HMGA2: variants seen among roughly 807,000 people sequenced by gnomAD.
HMGA2 encodes high mobility group protein HMGI-C.
Under a neutral mutation model 19.1 loss-of-function variants are expected in HMGA2, and 8 were observed. The ratio of observed to expected loss-of-function variants is 0.42; its 90% confidence interval spans 0.25 to 0.76. The LOEUF is 0.76. Ranked by LOEUF, HMGA2 falls within the 30% of genes least tolerant of loss-of-function variation. The pLI, the probability that HMGA2 is intolerant of heterozygous loss-of-function variation, is 0.28. For missense variants in HMGA2, 109 were observed against 136.3 expected (o/e 0.80, Z 1.00); for synonymous variants, 60 against 48.8 (o/e 1.23, Z -0.96).
chr12:65,884,626 G>C (rs945384588), intron 3 of HMGA2, among the ~76,000 whole-genome samples: 9 of 152,090 alleles, frequency 5.9e-5, no homozygotes, highest in Admixed American at 2.0e-4. Context: ...AGTCCAAATA[G>C]CATTATTTAC....
intron 3 of HMGA2, among the ~76,000 whole-genome samples, chr12:65,900,772 G>T (rs1211573228): frequency 6.6e-6 from 1 of 152,244 alleles, no homozygotes; most frequent in African/African-American, 2.4e-5. Flanking sequence ...ACCCAAACAG[G>T]CCATTGTTTT....
chr12:65,871,784 G>A (rs543070855), intron 3 of HMGA2, among the ~76,000 whole-genome samples: 3 of 152,266 alleles, frequency 2.0e-5, no homozygotes, highest in South Asian at 4.1e-4. Context: ...ATCACTTCCA[G>A]TTTGACTTCT....
chr12:65,949,068 A>C (rs1288509898), intron 3 of HMGA2, among the ~76,000 whole-genome samples: 3 of 152,160 alleles, frequency 2.0e-5, no homozygotes, highest in Non-Finnish European at 4.4e-5. Flanking sequence ...CCCTTTGGAA[A>C]TGAATCCTCT....
At chr12:65,834,686 C>T (rs1315093950) in intron 2 of HMGA2, among the ~76,000 whole-genome samples, 4 of 151,752 alleles carry the variant, frequency 2.6e-5, no homozygotes, top group African/African-American at 7.3e-5. Context: ...CTCCTGTACA[C>T]GAGGCACTAG....
chr12:65,870,029 A>C (rs569223665), intron 3 of HMGA2, among the ~76,000 whole-genome samples: 3 of 152,294 alleles, frequency 2.0e-5, no homozygotes, highest in Admixed American at 2.0e-4. Context: ...AAAAAAAAAA[A>C]AGTAGTGCAC....
At chr12:65,866,293 TA>T (rs1400584356) in intron 3 of HMGA2, among the ~76,000 whole-genome samples, 1 of 152,098 alleles carries the variant, frequency 6.6e-6, no homozygotes, top group Admixed American at 6.5e-5. Flanking sequence ...GCGTAGTTAT[TA>T]AAAAAATACA....
rs753666486 is a variant in HMGA2, at chr12:65,952,612, G to A, written c.282+1197G>A. The A allele has an allele frequency of 3.0e-4, 246 of 828,200 alleles. 1 individual carries two copies. Among genetic ancestry groups the A allele is most frequent in the Middle Eastern group, 1.0e-3 (3 of 2,904 alleles). The allele number at this position is 828,200 out of a possible 1,614,324, so 51.3% of individuals were successfully genotyped here. A position where few individuals can be genotyped will look rare whatever the true frequency, so the allele number is the denominator to read the frequency against. ...GCTAAAAAAAACCCAGTGTTTGTGC[G>A]TCTTTAAGCAATATTTAAAAATATA... is the stretch of plus-strand genomic sequence containing the variant. On this transcript the variant is annotated intron_variant, in intron 4 of 4. Coordinates refer to ENST00000403681, the MANE Select transcript of HMGA2 (RefSeq NM_003483.6).
chr12:65,919,147 G>A (rs1875213169), intron 3 of HMGA2, among the ~76,000 whole-genome samples: 1 of 152,158 alleles, frequency 6.6e-6, no homozygotes, highest in Admixed American at 6.5e-5. Flanking sequence ...TGGGAACATT[G>A]CGCAGCATAG....
intron 3 of HMGA2, among the ~76,000 whole-genome samples, chr12:65,878,794 C>T (rs1334094609): frequency 6.6e-6 from 1 of 152,212 alleles, no homozygotes; most frequent in Non-Finnish European, 1.5e-5. Flanking sequence ...TGAGATGGCT[C>T]AGCTGATAAA....
intron 3 of HMGA2, among the ~76,000 whole-genome samples, chr12:65,893,255 T>G (rs1873990122): frequency 6.6e-6 from 1 of 152,218 alleles, no homozygotes; most frequent in Non-Finnish European, 1.5e-5. Flanking sequence ...TAGCAACATC[T>G]ACTGTCTCCT....
chr12:65,853,744 C>T (rs1565708694), intron 3 of HMGA2, among the ~76,000 whole-genome samples: 1 of 152,212 alleles, frequency 6.6e-6, no homozygotes, highest in South Asian at 2.1e-4. Context: ...GTCTAGGCAG[C>T]TCAATGCACA....
chr12:65,938,483 T>C (rs1875971471), intron 3 of HMGA2, among the ~76,000 whole-genome samples: 2 of 152,108 alleles, frequency 1.3e-5, no homozygotes, highest in Admixed American at 6.5e-5. Flanking sequence ...CAGCAGGAAA[T>C]ACAGGGAGAT....
intron 3 of HMGA2, chr12:65,855,938 C>A (rs1871720146): frequency 1.3e-5 from 2 of 149,570 alleles, no homozygotes; most frequent in Non-Finnish European, 3.0e-5. Flanking sequence ...CTTCAAATAT[C>A]TACGAATTAC....
chr12:65,841,858 T>C (rs1871012662), intron 3 of HMGA2, among the ~76,000 whole-genome samples: 1 of 152,120 alleles, frequency 6.6e-6, no homozygotes, highest in Non-Finnish European at 1.5e-5. Flanking sequence ...TCCATATGGG[T>C]AGGTGTGGGA....
At chr12:65,889,482 T>A (rs946317097) in intron 3 of HMGA2, among the ~76,000 whole-genome samples, 2 of 152,146 alleles carry the variant, frequency 1.3e-5, no homozygotes, top group African/African-American at 4.8e-5. Context: ...ACCCACAGAT[T>A]TTTAAAAAGT....
chr12:65,870,255 G>A (rs1592404513), intron 3 of HMGA2, among the ~76,000 whole-genome samples: 2 of 152,138 alleles, frequency 1.3e-5, no homozygotes, highest in East Asian at 3.9e-4. Context: ...ACATTGTCTT[G>A]ATTTATTATT....
At chr12:65,835,084 TGA>T (rs1159493328) in intron 2 of HMGA2, among the ~76,000 whole-genome samples, 1 of 152,202 alleles carries the variant, frequency 6.6e-6, no homozygotes, top group Non-Finnish European at 1.5e-5. Flanking sequence ...CAATAAATAG[TGA>T]GAATTAGTTA....
At chr12:65,913,632 G>A (rs148385717) in intron 3 of HMGA2, among the ~76,000 whole-genome samples, 241 of 152,186 alleles carry the variant, frequency 1.6e-3, no homozygotes, top group Non-Finnish European at 2.6e-3. Flanking sequence ...AAGCAGCAGG[G>A]TGTAATTGAA....
Position 65,951,383 on chromosome 12 carries a change from C to G in HMGA2, c.250C>G (p.Pro84Ala). Reference protein sequence around the residue: ...KRPRGRPRKWPQQVVQKKPAQ... With the variant: ...KRPRGRPRKWAQQVVQKKPAQ... Reference sequence around the variant, plus strand: ...TATATCTTTTTCTTTTCCTCCTTAGCCACAACAAGTTGTTCAGAAGAAGCC... The same window carrying G: ...TATATCTTTTTCTTTTCCTCCTTAGGCACAACAAGTTGTTCAGAAGAAGCC... Residue 84 changes from proline (P) to alanine (A), a missense_variant and splice_region_variant, in exon 4 of 5, where the codon CCA becomes GCA. Coordinates refer to ENST00000403681, the MANE Select transcript of HMGA2 (RefSeq NM_003483.6). 6.6e-7 allele frequency: 1 copy of G among 1,520,044 alleles called. No individual in the cohort carries two copies. Among genetic ancestry groups the G allele is most frequent in the Non-Finnish European group, 8.9e-7 (1 of 1,125,698 alleles). The allele number at this position is 1,520,044 out of a possible 1,614,324, so 94.2% of individuals were successfully genotyped here.
Sources: gnomAD v4.1 joint callset for allele counts (sites outside exome capture counted in the v4.1 genomes callset) on GRCh38, gnomAD v4.1.1 for gene constraint, MANE v1.5 for transcripts, NCBI Gene and HGNC (gene_info 2026-07-23, HGNC 2026-07-21) for gene names.